The following MDGA2 variants were observed in gnomAD, a reference collection of about 807,000 sequenced individuals.
MDGA2 encodes the protein MAM domain containing glycosylphosphatidylinositol anchor 2.
A neutral mutation model predicts 117.8 loss-of-function variants in MDGA2; 40 were observed. That is an observed-to-expected ratio of 0.34 (90% CI 0.26 to 0.44). MDGA2 has a LOEUF of 0.44. Ranked by LOEUF, MDGA2 falls within the 20% of genes least tolerant of loss-of-function variation. MDGA2 has a pLI of 1.00. For synonymous variants in MDGA2, 452 were observed against 439.0 expected, an observed-to-expected ratio of 1.03 and a Z score of -0.37; for missense variants, 1,123 against 1,250.6, an observed-to-expected ratio of 0.90 and a Z score of 1.54.
intron 1 of MDGA2, among the ~76,000 whole-genome samples, chr14:47,324,757 T>C (rs1890092172): frequency 6.6e-6 from 1 of 152,176 alleles, no homozygotes. Flanking sequence ...AGAGGTTTTC[T>C]TGATTTCTAT....
chr14:46,934,386 C>G (rs1486736755), intron 9 of MDGA2, among the ~76,000 whole-genome samples: 3 of 152,102 alleles, frequency 2.0e-5, no homozygotes, highest in Non-Finnish European at 2.9e-5. Context: ...GAATTTACAG[C>G]TCACAAAGAA....
At chr14:47,505,384 C>T (rs4900777) in intron 1 of MDGA2, among the ~76,000 whole-genome samples, 66,706 of 151,940 alleles carry the variant, frequency 0.44, 15,111 homozygotes, top group East Asian at 0.61. Flanking sequence ...AAAATAACTG[C>T]GTGAGGTCAT....
chr14:47,341,131 A>T (rs1890609828), intron 1 of MDGA2, among the ~76,000 whole-genome samples: 1 of 152,156 alleles, frequency 6.6e-6, no homozygotes, highest in South Asian at 2.1e-4. Context: ...AATGTGGCTA[A>T]CTTACATTTC....
intron 1 of MDGA2, among the ~76,000 whole-genome samples, chr14:47,629,534 A>G (rs1328301257): frequency 1.3e-5 from 2 of 152,208 alleles, no homozygotes; most frequent in Non-Finnish European, 2.9e-5. Flanking sequence ...ATATAAAGGC[A>G]TTGGTTCAGA....
intron 1 of MDGA2, among the ~76,000 whole-genome samples, chr14:47,524,405 A>G (rs118136996): frequency 1.9e-3 from 295 of 152,336 alleles, no homozygotes; most frequent in Non-Finnish European, 3.7e-3. Context: ...ACTGAAACAG[A>G]AAGTAGAGAT....
intron 1 of MDGA2, among the ~76,000 whole-genome samples, chr14:47,628,778 G>A (rs1056401961): frequency 1.3e-5 from 2 of 152,254 alleles, no homozygotes; most frequent in African/African-American, 2.4e-5. Context: ...CCCAGCTGGT[G>A]TGAGAGTTAC....
intron 10 of MDGA2, among the ~76,000 whole-genome samples, chr14:46,917,191 G>C (rs1319139582): frequency 6.6e-6 from 1 of 152,134 alleles, no homozygotes; most frequent in African/African-American, 2.4e-5. Context: ...ATAAAAAAAG[G>C]TCTAGAAATT....
At chr14:47,053,818 G>T (rs981815900) in intron 7 of MDGA2, among the ~76,000 whole-genome samples, 2 of 151,614 alleles carry the variant, frequency 1.3e-5, no homozygotes, top group Non-Finnish European at 2.9e-5. Context: ...ATTCTCTGCT[G>T]GTTATTTCGC....
intron 3 of MDGA2, among the ~76,000 whole-genome samples, chr14:47,200,199 A>C (rs1243834222): frequency 6.6e-6 from 1 of 152,040 alleles, no homozygotes; most frequent in East Asian, 1.9e-4. Context: ...GGAAGAAGAA[A>C]GAACCTAATA....
intron 1 of MDGA2, among the ~76,000 whole-genome samples, chr14:47,531,845 AT>A (rs1895108185): frequency 6.6e-6 from 1 of 152,210 alleles, no homozygotes; most frequent in Non-Finnish European, 1.5e-5. Flanking sequence ...CATGTATTCT[AT>A]TTGGTTCAGA....
At chr14:47,257,807 AG>A (rs1887672317) in intron 2 of MDGA2, among the ~76,000 whole-genome samples, 1 of 152,164 alleles carries the variant, frequency 6.6e-6, no homozygotes, top group South Asian at 2.1e-4. Context: ...AGTTCTTTCC[AG>A]AGTGTTTTGT....
intron 6 of MDGA2, among the ~76,000 whole-genome samples, chr14:47,063,990 T>C (rs190068391): frequency 1.5e-4 from 23 of 152,040 alleles, no homozygotes; most frequent in African/African-American, 5.3e-4. Context: ...AGATTTAAAA[T>C]ACTAAACAAC....
intron 2 of MDGA2, among the ~76,000 whole-genome samples, chr14:47,297,442 G>A (rs1373057385): frequency 1.4e-5 from 2 of 147,408 alleles, no homozygotes; most frequent in Non-Finnish European, 3.0e-5. Context: ...GGGGAGTGAA[G>A]GGAAGGGAAG....
chr14:47,077,655 A>T (rs746404197), intron 6 of MDGA2, among the ~76,000 whole-genome samples: 2 of 152,074 alleles, frequency 1.3e-5, no homozygotes, highest in Non-Finnish European at 2.9e-5. Flanking sequence ...AAAAAAAAAG[A>T]AGCAATGATA....
At chr14:47,483,248 TTTTAC>T (rs889766822) in intron 1 of MDGA2, among the ~76,000 whole-genome samples, 14 of 152,116 alleles carry the variant, frequency 9.2e-5, no homozygotes, top group African/African-American at 2.7e-4. Flanking sequence ...TCTACATTAC[TTTTAC>T]TTTAAGTGAT....
chr14:47,648,430 A>G (rs1897576619), intron 1 of MDGA2, among the ~76,000 whole-genome samples: 3 of 152,162 alleles, frequency 2.0e-5, no homozygotes, highest in African/African-American at 7.2e-5. Context: ...GAAGACAAAA[A>G]CCATTTTTAT....
intron 1 of MDGA2, among the ~76,000 whole-genome samples, chr14:47,363,398 C>T (rs1373961509): frequency 6.6e-6 from 1 of 152,054 alleles, no homozygotes. Context: ...GCTGGGATTA[C>T]AGGCACACAC....
intron 1 of MDGA2, among the ~76,000 whole-genome samples, chr14:47,529,451 T>C (rs1448324419): frequency 6.6e-6 from 1 of 151,670 alleles, no homozygotes; most frequent in Non-Finnish European, 1.5e-5. Flanking sequence ...AAATGAAGTA[T>C]CCCCCCCCTC....
At chr14:46,931,610 C>G (rs531812604) in intron 9 of MDGA2, among the ~76,000 whole-genome samples, 17 of 149,784 alleles carry the variant, frequency 1.1e-4, no homozygotes, top group African/African-American at 4.2e-4. Context: ...GCAACCTCTG[C>G]CTCCTGGGTT....
Sources: allele counts gnomAD v4.1 joint callset (sites outside exome capture counted in the v4.1 genomes callset), GRCh38; gene constraint gnomAD v4.1.1; transcripts MANE v1.5; gene names NCBI Gene and HGNC (gene_info 2026-07-23, HGNC 2026-07-21).